SLC10A7: variants seen among roughly 807,000 people sequenced by gnomAD.
SLC10A7 encodes sodium/bile acid cotransporter 7.
SLC10A7 carries 29 observed loss-of-function variants against 43.2 expected under a neutral mutation model. The observed-to-expected ratio is 0.67, with a 90% CI of 0.50 to 0.92. The LOEUF is 0.92. SLC10A7 is among the 40% of genes least tolerant of loss of function. SLC10A7 has a pLI of 0.00. For missense variants in SLC10A7, 295 were observed against 403.2 expected, an observed-to-expected ratio of 0.73 and a Z score of 2.30; for synonymous variants, 152 against 144.8, an observed-to-expected ratio of 1.05 and a Z score of -0.35.
intron 10 of SLC10A7, among the ~76,000 whole-genome samples, chr4:146,274,200 C>CT (rs35963098): frequency 0.033 from 3,957 of 118,546 alleles, 209 homozygotes; most frequent in African/African-American, 0.093. Flanking sequence ...TCAGATTATA[C>CT]TTTTTTTTTT....
chr4:146,391,555 A>G (rs2149804196), intron 5 of SLC10A7, among the ~76,000 whole-genome samples: 1 of 152,342 alleles, frequency 6.6e-6, no homozygotes, highest in Middle Eastern at 3.4e-3. Context: ...ATTTGGTGCA[A>G]GTCTGTAGAG....
intron 5 of SLC10A7, chr4:146,441,775 G>A (rs1483208825): frequency 4.1e-6 from 4 of 984,956 alleles, no homozygotes; most frequent in Non-Finnish European, 4.8e-6. Flanking sequence ...TTTTGCAGAT[G>A]CTACATCATT....
intron 10 of SLC10A7, among the ~76,000 whole-genome samples, chr4:146,277,661 T>C (rs1729291447): frequency 6.6e-6 from 1 of 152,188 alleles, no homozygotes; most frequent in Non-Finnish European, 1.5e-5. Context: ...AATATATTTA[T>C]GGCTACACTC....
At chr4:146,448,929 A>G (rs1731342563) in intron 4 of SLC10A7, among the ~76,000 whole-genome samples, 2 of 152,176 alleles carry the variant, frequency 1.3e-5, no homozygotes, top group African/African-American at 4.8e-5. Context: ...GATAAAATGA[A>G]ATTGTTTTCC....
chr4:146,383,063 C>G (rs1237883072), intron 5 of SLC10A7, among the ~76,000 whole-genome samples: 1 of 152,004 alleles, frequency 6.6e-6, no homozygotes, highest in African/African-American at 2.4e-5. Flanking sequence ...CGATTTGTCT[C>G]CTTATCTATT....
At chr4:146,275,394 A>G (rs912034465) in intron 10 of SLC10A7, among the ~76,000 whole-genome samples, 2 of 152,140 alleles carry the variant, frequency 1.3e-5, no homozygotes, top group Non-Finnish European at 2.9e-5. Flanking sequence ...CACAGGGTTG[A>G]GATGTTTCAC....
Position 146,294,139 on chromosome 4 carries a change from G to A in SLC10A7, c.556-44C>T, listed in dbSNP as rs775746240. On this transcript the variant is annotated intron_variant, in intron 7 of 11. Coordinates refer to ENST00000335472, the MANE Select transcript of SLC10A7 (RefSeq NM_001029998.6). ...CAGGTTGCCTCTTTTCAGAGATGGA[G>A]GGAGTTGAAATGGGCATCACAAAGT... The A allele has an allele frequency of 6.8e-6, 10 of 1,469,554 alleles. No homozygotes were observed. The South Asian group carries it at 1.3e-4, about 19-fold the overall frequency. The allele number at this position is 1,469,554 out of a possible 1,614,324, so 91.0% of individuals were successfully genotyped here.
chr4:146,448,150 T>C (rs949837299), intron 4 of SLC10A7, among the ~76,000 whole-genome samples: 2 of 151,878 alleles, frequency 1.3e-5, no homozygotes. Flanking sequence ...CACACTAACA[T>C]GGCACATGTA....
Position 146,258,723 on chromosome 4 carries a change from G to A in SLC10A7, c.962C>T (p.Thr321Ile), listed in dbSNP as rs746867818. The A allele has an allele frequency of 1.2e-6, 2 of 1,604,234 alleles. No homozygotes were observed. The highest frequency in any genetic ancestry group is 1.8e-5 in the Admixed American group (1 of 56,454). Residue 321 changes from threonine (T) to isoleucine (I), a missense_variant, in exon 11 of 12, where the codon ACA (threonine) becomes ATA (isoleucine). This residue lies in a region of SLC10A7 where 242 missense variants were observed against 362.5 expected (regional missense o/e 0.67). Coordinates refer to ENST00000335472, the MANE Select transcript of SLC10A7 (RefSeq NM_001029998.6). ...CCTTGATACCATCCAAGACTTGATT[G>A]TTGGCACCAACACACTTCCCAGAAG... ...QILLGSVLVP[T>I]IKSWMVSRQK...
intron 5 of SLC10A7, among the ~76,000 whole-genome samples, chr4:146,437,606 G>GCA (rs1730305118): frequency 6.6e-6 from 1 of 151,868 alleles, no homozygotes; most frequent in African/African-American, 2.4e-5. Flanking sequence ...TTAAGCACAT[G>GCA]CACACACACA....
intron 10 of SLC10A7, among the ~76,000 whole-genome samples, chr4:146,276,708 G>C (rs1486634453): frequency 6.6e-6 from 1 of 152,154 alleles, no homozygotes; most frequent in Non-Finnish European, 1.5e-5. Context: ...CCAGTGCTTT[G>C]AGAGGCTGAG....
At chr4:146,410,929 G>A (rs1044343587) in intron 5 of SLC10A7, among the ~76,000 whole-genome samples, 28 of 152,058 alleles carry the variant, frequency 1.8e-4, no homozygotes, top group Non-Finnish European at 4.0e-4. Flanking sequence ...CGCCTCTCCA[G>A]TTCAAGCAAT....
At chr4:146,380,460 T>C (rs1193444594) in intron 5 of SLC10A7, among the ~76,000 whole-genome samples, 1 of 152,204 alleles carries the variant, frequency 6.6e-6, no homozygotes, top group Non-Finnish European at 1.5e-5. Context: ...ATTTAGGTTA[T>C]ATGTTTTATT....
At chr4:146,331,494 C>T (rs1420939462) in intron 5 of SLC10A7, among the ~76,000 whole-genome samples, 1 of 152,164 alleles carries the variant, frequency 6.6e-6, no homozygotes, top group African/African-American at 2.4e-5. Flanking sequence ...TCTAATTTAG[C>T]ATACTTATTT....
In SLC10A7 at chr4:146,272,982, C is replaced by T. The variant is rs568293577; in HGVS notation, c.847+10210G>A. Among the ~76,000 whole-genome samples, 10 of 152,180 alleles carry T rather than the reference C, an allele frequency of 6.6e-5. No homozygotes were observed. In the South Asian group the frequency reaches 1.9e-3, roughly 28 times the overall value. The stretch of plus-strand genomic sequence containing the variant: ...TGTGCCCCTCATTACTTTGGAATTC[C>T]CCTTTCAGGAGCACTGAGGGCATGT... On this transcript the variant is annotated intron_variant, in intron 10 of 11. Transcript: ENST00000335472.
intron 5 of SLC10A7, among the ~76,000 whole-genome samples, chr4:146,421,740 T>TA: frequency 6.6e-6 from 1 of 152,178 alleles, no homozygotes; most frequent in Non-Finnish European, 1.5e-5. Flanking sequence ...CACAGAGAGA[T>TA]ATAACAGTGA....
chr4:146,258,899 T>C, intron 10 of SLC10A7, 62 bp from the exon 11 acceptor site: 1 of 1,538,184 alleles, frequency 6.5e-7, no homozygotes, highest in East Asian at 2.3e-5. Flanking sequence ...ATTAAATGCA[T>C]ACTCCATCAA....
In SLC10A7 at chr4:146,267,575, T is replaced by C. The variant is rs190654313; in HGVS notation, c.848-8738A>G. Among the ~76,000 whole-genome samples, 15 of 152,358 alleles carry C rather than the reference T, an allele frequency of 9.8e-5. No homozygotes were observed. In the East Asian group the frequency reaches 2.9e-3, roughly 29 times the overall value. ...CTGCCTTACCCTTGCCAGTGATTTA[T>C]GTTTTACTTGCTTCCCTGTTTTTGT... On this transcript the variant is annotated intron_variant, in intron 10 of 11. Coordinates refer to ENST00000335472, the MANE Select transcript of SLC10A7 (RefSeq NM_001029998.6).
At chr4:146,404,476 A>ATGTG (rs34519773) in intron 5 of SLC10A7, among the ~76,000 whole-genome samples, 2,597 of 141,516 alleles carry the variant, frequency 0.018, 55 homozygotes, top group African/African-American at 0.047. Context: ...CTGCTCATTT[A>ATGTG]TGTGTGTGTG....
Sources: gnomAD v4.1 joint callset for allele counts (sites outside exome capture counted in the v4.1 genomes callset) on GRCh38, gnomAD v4.1.1 for gene constraint, gnomAD v4.1.1 regional missense constraint, MANE v1.5 for transcripts, NCBI Gene and HGNC (gene_info 2026-07-23, HGNC 2026-07-21) for gene names.